PTK7: variants seen among roughly 807,000 people sequenced by gnomAD.
The protein encoded by PTK7 is inactive tyrosine-protein kinase 7.
A neutral mutation model predicts 116.6 loss-of-function variants in PTK7; 39 were observed. That is an observed-to-expected ratio of 0.33 (90% CI 0.26 to 0.44). The LOEUF is 0.44. Among genes scored for constraint, PTK7 ranks in the 20% least tolerant of loss-of-function variants. The probability of loss-of-function intolerance (pLI) is 1.00; values close to 1 mark genes in which losing one functional copy is unlikely to be tolerated. For missense variants in PTK7, 1,169 were observed against 1,425.6 expected (o/e 0.82, Z 2.90); for synonymous variants, 546 against 563.6 (o/e 0.97, Z 0.44).
Position 43,139,230 on chromosome 6 carries a change from C to T in PTK7, c.1457C>T (p.Pro486Leu), listed in dbSNP as rs1477937299. Residue 486 changes from proline (P) to leucine (L), a missense_variant, in exon 9 of 20, where the codon CCA (proline) becomes CTA (leucine). This residue lies in a region of PTK7 where 678 missense variants were observed against 853.8 expected (regional missense o/e 0.79). Coordinates refer to ENST00000230419, the MANE Select transcript of PTK7 (RefSeq NM_002821.5). The surrounding 1 kb of genome is among the most constrained non-coding windows in gnomAD (Gnocchi z 4.6). ...GTWYRCMSSTPAGSIEAQARV... is the reference protein window; with the variant it reads ...GTWYRCMSSTLAGSIEAQARV... ...TGGTACCGTTGTATGAGCAGCACCCCAGCCGGCAGCATCGAGGCGCAAGCC... is the reference window on the plus strand; with the variant it reads ...TGGTACCGTTGTATGAGCAGCACCCTAGCCGGCAGCATCGAGGCGCAAGCC... 4 of 1,614,224 alleles carry T rather than the reference C, an allele frequency of 2.5e-6. No homozygotes were observed. In the East Asian group the frequency reaches 6.7e-5, roughly 27 times the overall value.
At position 43,141,985 on chromosome 6, in the gene PTK7, C is replaced by T. The variant is rs377247602; in HGVS notation, c.1823C>T (p.Thr608Ile). Residue 608 changes from threonine to isoleucine, a missense_variant, in exon 12 of 20, where the codon ACA becomes ATA. Coordinates refer to ENST00000230419, the MANE Select transcript of PTK7 (RefSeq NM_002821.5). This position sits in a 1 kb window ranked among gnomAD's most constrained non-coding sequence, Gnocchi z 4.9. ...PERTTVYQGH[T>I]ALLQCEAQGD... ...CGTACGACTGTGTACCAGGGCCACA[C>T]AGCCCTACTGCAGTGCGAGGCCCAG... The T allele has an allele frequency of 1.2e-6, 2 of 1,613,812 alleles. No individual in the cohort carries two copies. The highest frequency in any genetic ancestry group is 1.7e-6 in the Non-Finnish European group (2 of 1,179,946).
chr6:43,145,503 G>A lies in PTK7; in HGVS notation c.2640+71G>A. On this transcript the variant is annotated intron_variant, in intron 16 of 19. Transcript: ENST00000230419. The surrounding 1 kb of genome is among the most constrained non-coding windows in gnomAD (Gnocchi z 4.8). ...GTGTCCTACAAAGGTGGGAGTCAGT[G>A]GTTGGAGCACCGTGAAAACCTTGTC... is the stretch of plus-strand genomic sequence containing the variant. 3.1e-6 allele frequency: 4 copies of A among 1,296,500 alleles called. No individual in the cohort carries two copies. The South Asian group carries it at 5.0e-5, about 16-fold the overall frequency. 80.3% of individuals were successfully genotyped at this position (1,296,500 alleles called of 1,614,324 possible).
chr6:43,151,241 C>T (rs1273913041), intron 17 of PTK7, among the ~76,000 whole-genome samples: 3 of 148,500 alleles, frequency 2.0e-5, no homozygotes, highest in Admixed American at 6.8e-5. Context: ...GACCGAGTCT[C>T]GCTCTGTCGC....
Position 43,076,432 on chromosome 6 carries a change from G to A in PTK7, c.-57G>A. The A allele has an allele frequency of 7.1e-7, 1 of 1,414,912 alleles. No individual in the cohort carries two copies. Among genetic ancestry groups the A allele is most frequent in the Non-Finnish European group, 9.3e-7 (1 of 1,073,088 alleles). The allele number at this position is 1,414,912 out of a possible 1,614,324, so 87.6% of individuals were successfully genotyped here. On this transcript the variant is annotated 5_prime_UTR_variant, in exon 1 of 20. Transcript: ENST00000230419. This position sits in a 1 kb window ranked among gnomAD's most constrained non-coding sequence, Gnocchi z 5.7. ...CGCTCCGCCTCCTGTGCCCGCCGCG[G>A]AGCGCAGTCTGCGCGCCCGCCGTGC...
In PTK7 at chr6:43,145,152, G is replaced by T; in HGVS notation, c.2408-48G>T. The T allele has an allele frequency of 6.5e-7, 1 of 1,527,896 alleles. No homozygotes were observed. The allele number at this position is 1,527,896 out of a possible 1,614,324, so 94.6% of individuals were successfully genotyped here. ...AGGCCCCTCCCCCAGGTCAGGAGCT[G>T]CCTCGGCCTGGGTGAAGGTGGCTGG... On this transcript the variant is annotated intron_variant, in intron 15 of 19. Transcript: ENST00000230419. The surrounding 1 kb of genome is among the most constrained non-coding windows in gnomAD (Gnocchi z 4.8).
At chr6:43,104,167 T>G (rs1767734570) in intron 1 of PTK7, among the ~76,000 whole-genome samples, 1 of 152,176 alleles carries the variant, frequency 6.6e-6, no homozygotes, top group African/African-American at 2.4e-5. Flanking sequence ...ATTTCTGATC[T>G]TATTAATTAC....
intron 7 of PTK7, chr6:43,133,217 A>G (rs1338932374): frequency 1.7e-5 from 3 of 171,558 alleles, no homozygotes; most frequent in African/African-American, 7.1e-5. Flanking sequence ...TACTAAACAT[A>G]TTACTTATGA....
chr6:43,079,943 C>T (rs1766279785), intron 1 of PTK7, among the ~76,000 whole-genome samples: 1 of 151,104 alleles, frequency 6.6e-6, no homozygotes. Context: ...TGCCTGTGGT[C>T]CCAGCTGCCC....
chr6:43,111,427 G>A (rs1309473218), intron 1 of PTK7, among the ~76,000 whole-genome samples: 1 of 152,168 alleles, frequency 6.6e-6, no homozygotes, highest in Non-Finnish European at 1.5e-5. Flanking sequence ...TCTCCAAATG[G>A]TCTGTGTAGA....
chr6:43,114,278 GTGTCTCTGCA>G (rs1334522234), intron 1 of PTK7, among the ~76,000 whole-genome samples: 1 of 152,120 alleles, frequency 6.6e-6, no homozygotes, highest in Non-Finnish European at 1.5e-5. Context: ...CTCTCTGTCT[GTGTCTCTGCA>G]TGTTGATCTC....
At chr6:43,124,563 C>T (rs1769166834) in intron 1 of PTK7, among the ~76,000 whole-genome samples, 1 of 151,986 alleles carries the variant, frequency 6.6e-6, no homozygotes, top group African/African-American at 2.4e-5. Context: ...GAGGTCCCAG[C>T]TACCTAGGAG....
rs749463754 is a variant in PTK7 at position 43,129,360 on chromosome 6, A to C, written c.367+96A>C. 3 of 1,432,360 alleles carry C rather than the reference A, an allele frequency of 2.1e-6. No individual in the cohort carries two copies. The highest frequency in any genetic ancestry group is 2.9e-6 in the Non-Finnish European group (3 of 1,048,066). The allele number at this position is 1,432,360 out of a possible 1,614,324, so 88.7% of individuals were successfully genotyped here. A position where few individuals can be genotyped will look rare whatever the true frequency, so the allele number is the denominator to read the frequency against. On this transcript the variant is annotated intron_variant, in intron 2 of 19. Transcript: ENST00000230419. The surrounding 1 kb of genome is among the most constrained non-coding windows in gnomAD (Gnocchi z 4.5). ...CCTTACCTCAGCTTCTCCCATTTCC[A>C]GTTAAACGGGCCAGGCAGAATGCAT...
chr6:43,090,152 T>G (rs1404829348), intron 1 of PTK7, among the ~76,000 whole-genome samples: 1 of 152,218 alleles, frequency 6.6e-6, no homozygotes, highest in African/African-American at 2.4e-5. Flanking sequence ...CTGCCGCTGG[T>G]GACCCAGAAA....
At chr6:43,094,249 C>T (rs1190108530) in intron 1 of PTK7, among the ~76,000 whole-genome samples, 1 of 152,094 alleles carries the variant, frequency 6.6e-6, no homozygotes, top group Admixed American at 6.6e-5. Flanking sequence ...AGTTGGAGGA[C>T]GTCGGTGTGA....
At position 43,160,961 on chromosome 6, in the gene PTK7, T is replaced by C. The variant is rs1047214023; in HGVS notation, c.*80T>C. 3 of 1,535,844 alleles carry C rather than the reference T, an allele frequency of 2.0e-6. No individual in the cohort carries two copies. Among genetic ancestry groups the C allele is most frequent in the African/African-American group, 2.7e-5 (2 of 73,616 alleles). ...CTCACAGCATGATGGGCAAGATCCC[T>C]GTCCTCCTGGGCCCTGAGGCCCCTG... On this transcript the variant is annotated 3_prime_UTR_variant, in exon 20 of 20. Transcript: ENST00000230419.
At chr6:43,087,667 C>G (rs924356744) in intron 1 of PTK7, among the ~76,000 whole-genome samples, 1 of 152,186 alleles carries the variant, frequency 6.6e-6, no homozygotes, top group Non-Finnish European at 1.5e-5. Flanking sequence ...AGGTCCCATC[C>G]TCTTCTCCAG....
rs1323977563 is a variant in PTK7, at chr6:43,116,583, A to G, written c.80-12394A>G. Among the ~76,000 whole-genome samples, 5 of 150,646 alleles carry G rather than the reference A, an allele frequency of 3.3e-5. No individual in the cohort carries two copies. In the East Asian group the frequency reaches 7.8e-4, roughly 24 times the overall value. On this transcript the variant is annotated intron_variant, in intron 1 of 19. Transcript: ENST00000230419. Reference sequence around the variant, plus strand: ...ATTTTTGGGCTTGAGTGGAGGAGGAAGAAGGCCAGGAAAAGCTGGTTTGTG... The same window carrying G: ...ATTTTTGGGCTTGAGTGGAGGAGGAGGAAGGCCAGGAAAAGCTGGTTTGTG...
chr6:43,144,415 G>A (rs747327614), intron 14 of PTK7, 36 bp from the exon 15 acceptor site: 7 of 1,613,356 alleles, frequency 4.3e-6, no homozygotes, highest in Non-Finnish European at 5.9e-6. Flanking sequence ...AGAGTGTCAG[G>A]TCTCATCGTG....
At chr6:43,157,376 C>CT (rs71547832) in intron 17 of PTK7, among the ~76,000 whole-genome samples, 314 of 21,876 alleles carry the variant, frequency 0.014, 42 homozygotes, top group African/African-American at 0.04. Context: ...TTTTTTTTTT[C>CT]TTTTTTTTTT....
Sources: allele counts gnomAD v4.1 joint callset (sites outside exome capture counted in the v4.1 genomes callset), GRCh38; gene constraint gnomAD v4.1.1; regional missense constraint gnomAD v4.1.1; non-coding constraint Gnocchi (gnomAD v3.1); transcripts MANE v1.5; gene names NCBI Gene and HGNC (gene_info 2026-07-23, HGNC 2026-07-21).